The following KCNT2 variants were observed in gnomAD, a reference collection of about 807,000 sequenced individuals.
KCNT2 encodes the protein potassium channel subfamily T member 2.
Under a neutral mutation model 153.8 loss-of-function variants are expected in KCNT2, and 67 were observed. The observed-to-expected ratio is 0.44, with a 90% CI of 0.36 to 0.53. The LOEUF (loss-of-function observed/expected upper bound fraction) is 0.53. Ranked by LOEUF, KCNT2 falls within the 20% of genes least tolerant of loss-of-function variation. The pLI, the probability that KCNT2 is intolerant of heterozygous loss-of-function variation, is 0.00. For synonymous variants in KCNT2, 500 were observed against 458.8 expected (o/e 1.09, Z -1.15); for missense variants, 975 against 1,354.8 (o/e 0.72, Z 4.40).
intron 27 of KCNT2, 119 bp downstream of exon 27, chr1:196,235,867 T>C (rs747981032): frequency 1.6e-4 from 95 of 609,012 alleles, no homozygotes; most frequent in African/African-American, 7.0e-4. Flanking sequence ...AAATTAGGTA[T>C]AGACTATTTA....
At chr1:196,229,817 C>A (rs577648488) in intron 27 of KCNT2, among the ~76,000 whole-genome samples, 129 of 152,172 alleles carry the variant, frequency 8.5e-4, no homozygotes, top group Non-Finnish European at 1.5e-3. Flanking sequence ...AATCCAAAGC[C>A]AAATCCAGAG....
Position 196,568,158 on chromosome 1 carries a change from C to T in KCNT2, c.95+40057G>A, listed in dbSNP as rs754853165. 5.5e-4 allele frequency among the ~76,000 whole-genome samples: 84 copies of T among 152,132 alleles called. 1 individual carries two copies. Among genetic ancestry groups the T allele is most frequent in the Non-Finnish European group, 2.9e-4 (20 of 68,026 alleles). ...CCTTTTTGGCACCAGAGACTAGTTT[C>T]ATGAAAGACAAATGGTGGTAGAGAT... On this transcript the variant is annotated intron_variant, in intron 1 of 27. Coordinates refer to ENST00000294725, the MANE Select transcript of KCNT2 (RefSeq NM_198503.5).
chr1:196,588,642 G>A (rs1419591257), intron 1 of KCNT2, among the ~76,000 whole-genome samples: 1 of 151,804 alleles, frequency 6.6e-6, no homozygotes, highest in African/African-American at 2.4e-5. Context: ...TGTTACAATA[G>A]TATACCCAGA....
chr1:196,418,166 G>A (rs918774366), intron 12 of KCNT2, among the ~76,000 whole-genome samples: 1 of 151,474 alleles, frequency 6.6e-6, no homozygotes, highest in African/African-American at 2.4e-5. Context: ...TGTCTGCTTG[G>A]GCTACCATAA....
At chr1:196,392,576 A>G (rs1670586726) in intron 13 of KCNT2, among the ~76,000 whole-genome samples, 1 of 151,428 alleles carries the variant, frequency 6.6e-6, no homozygotes, top group Non-Finnish European at 1.5e-5. Flanking sequence ...GCACATCCAT[A>G]TGTTATTTAG....
intron 8 of KCNT2, among the ~76,000 whole-genome samples, chr1:196,460,107 T>C (rs1677017895): frequency 2.0e-5 from 3 of 151,848 alleles, no homozygotes; most frequent in Admixed American, 2.0e-4. Context: ...GTTCAAGGCA[T>C]AAATTTGGGG....
At chr1:196,555,882 T>C (rs2148909091) in intron 1 of KCNT2, among the ~76,000 whole-genome samples, 1 of 151,288 alleles carries the variant, frequency 6.6e-6, no homozygotes, top group Non-Finnish European at 1.5e-5. Flanking sequence ...GACAAATGTG[T>C]CAAAACTATT....
chr1:196,427,725 A>G (rs1673776118), intron 10 of KCNT2, among the ~76,000 whole-genome samples: 1 of 152,092 alleles, frequency 6.6e-6, no homozygotes, highest in Non-Finnish European at 1.5e-5. Context: ...ATTTTAACTG[A>G]GCAGATGATA....
At chr1:196,461,948 T>G (rs1208995285) in intron 8 of KCNT2, among the ~76,000 whole-genome samples, 1 of 151,680 alleles carries the variant, frequency 6.6e-6, no homozygotes, top group Non-Finnish European at 1.5e-5. Flanking sequence ...AAACAGGTAA[T>G]TTTAAGACTG....
intron 1 of KCNT2, among the ~76,000 whole-genome samples, chr1:196,519,660 A>G (rs531137641): frequency 1.3e-5 from 2 of 152,298 alleles, no homozygotes; most frequent in East Asian, 3.9e-4. Context: ...GACTACTACG[A>G]ACACCTCTAT....
intron 25 of KCNT2, among the ~76,000 whole-genome samples, chr1:196,265,763 A>T (rs565205684): frequency 1.3e-5 from 2 of 152,186 alleles, no homozygotes; most frequent in African/African-American, 4.8e-5. Flanking sequence ...CTATGCCTCC[A>T]TAACAGCACA....
chr1:196,383,234 C>A (rs767650912), intron 13 of KCNT2, among the ~76,000 whole-genome samples: 1 of 152,080 alleles, frequency 6.6e-6, no homozygotes, highest in African/African-American at 2.4e-5. Flanking sequence ...AAGAACAGGT[C>A]GTAACCCATT....
chr1:196,419,908 G>T (rs1380225768), intron 12 of KCNT2, among the ~76,000 whole-genome samples: 1 of 151,570 alleles, frequency 6.6e-6, no homozygotes, highest in Non-Finnish European at 1.5e-5. Context: ...TAATGAGTGG[G>T]CCCTCTCAAT....
At chr1:196,517,946 A>G (rs958284171) in intron 1 of KCNT2, among the ~76,000 whole-genome samples, 1 of 152,164 alleles carries the variant, frequency 6.6e-6, no homozygotes, top group Non-Finnish European at 1.5e-5. Context: ...CAAGCAGATT[A>G]TCCCTAAGAC....
intron 1 of KCNT2, among the ~76,000 whole-genome samples, chr1:196,527,393 C>T (rs1262014920): frequency 6.6e-6 from 1 of 152,104 alleles, no homozygotes; most frequent in Non-Finnish European, 1.5e-5. Flanking sequence ...ATGCATCATA[C>T]TAACATGAAG....
rs889060392 is a variant in KCNT2 at position 196,366,794 on chromosome 1, A to G, written c.1403+6346T>C. Among the ~76,000 whole-genome samples the G allele has an allele frequency of 2.6e-5, 4 of 152,208 alleles. 1 individual carries two copies. Among genetic ancestry groups the G allele is most frequent in the African/African-American group, 9.6e-5 (4 of 41,530 alleles). ...GAATAAAAACTCCCCAAGAGCAGAG[A>G]TTTTTCTGGTTTTTTAAGAACACCT... On this transcript the variant is annotated intron_variant, in intron 14 of 27. Coordinates refer to ENST00000294725, the MANE Select transcript of KCNT2 (RefSeq NM_198503.5).
intron 1 of KCNT2, among the ~76,000 whole-genome samples, chr1:196,503,013 G>A (rs1360075470): frequency 1.3e-5 from 2 of 151,750 alleles, no homozygotes; most frequent in South Asian, 4.1e-4. Flanking sequence ...GAAAAGAAAA[G>A]AAAGAAAAAA....
intron 8 of KCNT2, among the ~76,000 whole-genome samples, chr1:196,441,467 A>C (rs553683836): frequency 1.6e-4 from 24 of 151,368 alleles, no homozygotes; most frequent in African/African-American, 5.6e-4. Context: ...ATGAAAGAAG[A>C]ATCACCAAGG....
At chr1:196,526,015 CTGTGTGTGTGTGTG>C (rs369541629) in intron 1 of KCNT2, among the ~76,000 whole-genome samples, 22 of 140,148 alleles carry the variant, frequency 1.6e-4, no homozygotes, top group African/African-American at 2.4e-4. Context: ...AGAACTGACT[CTGTGTGTGTGTGTG>C]TGTGTGTGTG....
Sources: allele counts gnomAD v4.1 joint callset (sites outside exome capture counted in the v4.1 genomes callset), GRCh38; gene constraint gnomAD v4.1.1; transcripts MANE v1.5; gene names NCBI Gene and HGNC (gene_info 2026-07-23, HGNC 2026-07-21).